Variants in LMF1 observed in about 807,000 individuals in gnomAD.
LMF1 encodes the protein lipase maturation factor 1.
A neutral mutation model predicts 60.6 loss-of-function variants in LMF1; 68 were observed. The ratio of observed to expected loss-of-function variants is 1.12; its 90% CI spans 0.92 to 1.37. The LOEUF is 1.37. Among genes scored for constraint, LMF1 ranks in the 40% most tolerant of loss-of-function variants. The pLI, the probability that LMF1 is intolerant of heterozygous loss-of-function variation, is 0.00. For missense variants in LMF1, 948 were observed against 767.2 expected (o/e 1.24, Z -2.78); for synonymous variants, 418 against 324.7 (o/e 1.29, Z -3.09).
chr16:911,893 C>T (rs1295308617), intron 3 of LMF1, among the ~76,000 whole-genome samples: 8 of 151,960 alleles, frequency 5.3e-5, no homozygotes, highest in African/African-American at 1.2e-4. Context: ...CCACTGGATG[C>T]GGGGGACACG....
chr16:855,277 G>T, intron 10 of LMF1: 1 of 252,786 alleles, frequency 4.0e-6, no homozygotes, highest in South Asian at 4.6e-5. Context: ...GAGACGTGCA[G>T]ATGCTGGCTG....
intron 10 of LMF1, among the ~76,000 whole-genome samples, chr16:856,789 G>A (rs1266012717): frequency 3.9e-5 from 6 of 152,246 alleles, no homozygotes; most frequent in Non-Finnish European, 5.9e-5. Flanking sequence ...GCACCGCCCC[G>A]GAGGGCTTGA....
In LMF1 at chr16:944,864, A is replaced by G. The variant is rs116660644; in HGVS notation, c.503+9493T>C. On this transcript the variant is annotated intron_variant, in intron 2 of 10. Transcript: ENST00000262301. ...ATCCCTGCCCCTTTGGTGCACCTTG[A>G]TGATTATGGGATGTACTCTTCGGAG... is the stretch of plus-strand genomic sequence containing the variant. Among the ~76,000 whole-genome samples, 1,049 of 152,090 alleles carry G rather than the reference A, an allele frequency of 6.9e-3. 16 individuals carry two copies. Among genetic ancestry groups the G allele is most frequent in the African/African-American group, 0.024 (1,002 of 41,454 alleles).
intron 4 of LMF1, chr16:900,840 G>A (rs1357166696): frequency 6.6e-6 from 1 of 152,224 alleles, no homozygotes; most frequent in Non-Finnish European, 1.5e-5. Flanking sequence ...ACAGGTGTGA[G>A]CCACTGCACC....
intron 3 of LMF1, among the ~76,000 whole-genome samples, chr16:925,428 T>G (rs1457447906): frequency 6.6e-6 from 1 of 152,210 alleles, no homozygotes; most frequent in East Asian, 1.9e-4. Context: ...AAAATGGCCT[T>G]TAAAATCTAT....
intron 3 of LMF1, chr16:931,793 G>A (rs1008295898): frequency 8.6e-6 from 11 of 1,285,954 alleles, no homozygotes; most frequent in Admixed American, 6.9e-5. Context: ...GTGCTGAGCC[G>A]CTGCAGGGTC....
In LMF1 at chr16:949,327, C is replaced by A. The variant is rs531415926; in HGVS notation, c.503+5030G>T. 9.7e-4 allele frequency among the ~76,000 whole-genome samples: 137 copies of A among 140,576 alleles called. 2 individuals carry two copies. The highest frequency in any genetic ancestry group is 3.3e-3 in the African/African-American group (128 of 39,284). The allele number at this position is 140,576 out of a possible 152,430, so 92.2% of individuals were successfully genotyped here. A position where few individuals can be genotyped will look rare whatever the true frequency, so the allele number is the denominator to read the frequency against. ...CAGAGACAACGACAGAGTCAGCCAA[C>A]GACAGAGTCAGCCAACGACAGAGTC... On this transcript the variant is annotated intron_variant, in intron 2 of 10. Transcript: ENST00000262301.
At chr16:931,626 G>A in intron 3 of LMF1, 1 of 1,285,244 alleles carries the variant, frequency 7.8e-7, no homozygotes, top group South Asian at 1.2e-5. Context: ...CTGAGGCCCA[G>A]CACCCGGAGT....
chr16:892,888 T>G, intron 5 of LMF1, 119 bp downstream of exon 5: 2 of 728,884 alleles, frequency 2.7e-6, no homozygotes, highest in African/African-American at 1.8e-5. Context: ...CCTGAATCAA[T>G]GGGGGTGACC....
intron 2 of LMF1, among the ~76,000 whole-genome samples, chr16:949,230 G>C (rs1218680236): frequency 6.9e-6 from 1 of 145,700 alleles, no homozygotes; most frequent in Non-Finnish European, 1.5e-5. Flanking sequence ...GCCAACAACA[G>C]AGTCAGAGCC....
Position 853,826 on chromosome 16 carries a change from TG to T in LMF1, c.*705del. 2.2e-6 allele frequency: 1 copy of T among 454,092 alleles called. No individual in the cohort carries two copies. The highest frequency in any genetic ancestry group is 1.6e-5 in the South Asian group (1 of 64,476). The allele number at this position is 454,092 out of a possible 1,614,324, so 28.1% of individuals were successfully genotyped here. A position where few individuals can be genotyped will look rare whatever the true frequency, so the allele number is the denominator to read the frequency against. ...CAGAGGCAGCGAGGTCACAGCCTGG[TG>T]GAGGGTCTGGGTGTGCGCTGTGTCC... On this transcript the variant is annotated 3_prime_UTR_variant, in exon 11 of 11. Transcript: ENST00000262301.
intron 6 of LMF1, among the ~76,000 whole-genome samples, chr16:879,144 G>A (rs1031204981): frequency 6.6e-6 from 1 of 152,160 alleles, no homozygotes; most frequent in Non-Finnish European, 1.5e-5. Flanking sequence ...GGAGGCAAAT[G>A]ACCCTGGCCT....
In LMF1 at chr16:923,923, G is replaced by T. The variant is rs141007212; in HGVS notation, c.514+10321C>A. Among the ~76,000 whole-genome samples the T allele has an allele frequency of 1.5e-3, 231 of 152,324 alleles. 2 individuals carry two copies. Among genetic ancestry groups the T allele is most frequent in the African/African-American group, 5.3e-3 (220 of 41,572 alleles). ...GTATTGGAAAGGGTTGACCAGTTGT[G>T]CTGGTAAAGTTGGAACAAATGAGTG... On this transcript the variant is annotated intron_variant, in intron 3 of 10. Coordinates refer to ENST00000262301, the MANE Select transcript of LMF1 (RefSeq NM_022773.4).
Position 869,074 on chromosome 16 carries a change from G to A in LMF1, c.1417-18C>T, listed in dbSNP as rs1359773023. 2 of 1,514,330 alleles carry A rather than the reference G, an allele frequency of 1.3e-6. No individual in the cohort carries two copies. The highest frequency in any genetic ancestry group is 1.1e-5 in the South Asian group (1 of 89,196). 93.8% of individuals were successfully genotyped at this position (1,514,330 alleles called of 1,614,324 possible). A position where few individuals can be genotyped will look rare whatever the true frequency, so the allele number is the denominator to read the frequency against. On this transcript the variant is annotated intron_variant, in intron 9 of 10. Coordinates refer to ENST00000262301, the MANE Select transcript of LMF1 (RefSeq NM_022773.4). Reference sequence around the variant, plus strand: ...TCGTAGGTCTGGGAGGAGAGGTCGGGCTGGAGACGGCTGTGCCACTCGCTG... The same window carrying A: ...TCGTAGGTCTGGGAGGAGAGGTCGGACTGGAGACGGCTGTGCCACTCGCTG...
intron 8 of LMF1, among the ~76,000 whole-genome samples, 186 bp from the exon 9 acceptor site, chr16:870,252 G>A (rs1210899248): frequency 2.0e-5 from 3 of 152,212 alleles, no homozygotes; most frequent in Non-Finnish European, 4.4e-5. Flanking sequence ...TGGGAACTGT[G>A]GCCCCAGGGT....
At chr16:867,992 TGGAG>T (rs1158679398) in intron 10 of LMF1, among the ~76,000 whole-genome samples, 1 of 152,134 alleles carries the variant, frequency 6.6e-6, no homozygotes, top group Non-Finnish European at 1.5e-5. Flanking sequence ...CGAGTGTTCT[TGGAG>T]GGAAAATCCA....
At chr16:930,146 C>T (rs868155373) in intron 3 of LMF1, among the ~76,000 whole-genome samples, 1 of 144,912 alleles carries the variant, frequency 6.9e-6, no homozygotes, top group Non-Finnish European at 1.5e-5. Flanking sequence ...TCCGTCTGAA[C>T]GGGGGCGCAG....
chr16:978,040 TCACA>T (rs61325853), intron 1 of LMF1, among the ~76,000 whole-genome samples: 62,987 of 113,464 alleles, frequency 0.56, 17,238 homozygotes, highest in African/African-American at 0.75. Context: ...ACACCACACA[TCACA>T]CACACACAAA....
intron 10 of LMF1, among the ~76,000 whole-genome samples, chr16:863,182 T>G (rs963833107): frequency 1.3e-5 from 2 of 152,228 alleles, no homozygotes; most frequent in African/African-American, 4.8e-5. Context: ...CTTTTTCGTT[T>G]CGAGACAGAA....
Sources: allele counts gnomAD v4.1 joint callset (sites outside exome capture counted in the v4.1 genomes callset), GRCh38; gene constraint gnomAD v4.1.1; transcripts MANE v1.5; gene names NCBI Gene and HGNC (gene_info 2026-07-23, HGNC 2026-07-21).